PLEKHH1: variants seen among roughly 807,000 people sequenced by gnomAD.
The protein encoded by PLEKHH1 is pleckstrin homology, MyTH4 and FERM domain containing H1, also known as pleckstrin homology domain-containing family H member 1.
In PLEKHH1, 104 loss-of-function variants were observed where a neutral mutation model predicts 160.0. That is an observed-to-expected ratio of 0.65 (90% CI 0.55 to 0.76). The LOEUF (loss-of-function observed/expected upper bound fraction) is 0.76. PLEKHH1 is among the 30% of genes least tolerant of loss of function. The pLI, the probability that PLEKHH1 is intolerant of heterozygous loss-of-function variation, is 0.00. For missense variants in PLEKHH1, 1,427 were observed against 1,724.1 expected, an observed-to-expected ratio of 0.83 and a Z score of 3.05; for synonymous variants, 619 against 678.4, an observed-to-expected ratio of 0.91 and a Z score of 1.36.
rs912639794 is a variant in PLEKHH1, at chr14:67,569,084, G to A, written c.1264-54G>A. ...GCTTTTTCCTGCACATGCCTGGAGG[G>A]GGTGGGATGGGCATCATGCCGGGCC... On this transcript the variant is annotated intron_variant, in intron 7 of 28. Transcript: ENST00000329153. 1.7e-5 allele frequency: 20 copies of A among 1,209,470 alleles called. No homozygotes were observed. In the African/African-American group the frequency reaches 2.8e-4, roughly 17 times the overall value. The allele number at this position is 1,209,470 out of a possible 1,614,324, so 74.9% of individuals were successfully genotyped here. A position where few individuals can be genotyped will look rare whatever the true frequency, so the allele number is the denominator to read the frequency against.
rs1450448627 is a variant in PLEKHH1, at chr14:67,574,450, CAG to C, written c.2088+48_2088+49del. ...GCAGGAACATGTGCCTCCTGCGAATCAGGGGAGCCAGGATTGGGGTGCCGAGG... is the reference window on the plus strand; with the variant it reads ...GCAGGAACATGTGCCTCCTGCGAATCGGGAGCCAGGATTGGGGTGCCGAGG... On this transcript the variant is annotated intron_variant, in intron 14 of 28. Coordinates refer to ENST00000329153, the MANE Select transcript of PLEKHH1 (RefSeq NM_020715.3). The surrounding 1 kb of genome is among the most constrained non-coding windows in gnomAD (Gnocchi z 4.2). 2.6e-5 allele frequency: 36 copies of C among 1,402,084 alleles called. No individual in the cohort carries two copies. Among genetic ancestry groups the C allele is most frequent in the Non-Finnish European group, 3.4e-5 (36 of 1,063,618 alleles). 86.9% of individuals were successfully genotyped at this position (1,402,084 alleles called of 1,614,324 possible). A position where few individuals can be genotyped will look rare whatever the true frequency, so the allele number is the denominator to read the frequency against.
chr14:67,575,245 G>T, intron 14 of PLEKHH1, 147 bp from the exon 15 acceptor site: 1 of 582,838 alleles, frequency 1.7e-6, no homozygotes, highest in Non-Finnish European at 3.1e-6. Context: ...ACTGTGAAAG[G>T]GGTGGTTCCA....
At chr14:67,566,910 C>T (rs1467573211) in intron 7 of PLEKHH1, among the ~76,000 whole-genome samples, 1 of 152,060 alleles carries the variant, frequency 6.6e-6, no homozygotes, top group Non-Finnish European at 1.5e-5. Context: ...TCCCCAGGAA[C>T]CTCAGCTGAA....
chr14:67,559,505 G>T, intron 4 of PLEKHH1, 103 bp from the exon 5 acceptor site: 1 of 725,036 alleles, frequency 1.4e-6, no homozygotes, highest in East Asian at 2.7e-5. Context: ...GCTTTGCGAG[G>T]TCAGTGGCAC....
rs1375847218 is a variant in PLEKHH1 at position 67,584,063 on chromosome 14, G to A, written c.3638G>A (p.Arg1213His). ...GGATGCTCCCCTCCTGAGTGCATCCGCATCTACCTGACCGTGGCCAGGAAA... is the reference window on the plus strand; with the variant it reads ...GGATGCTCCCCTCCTGAGTGCATCCACATCTACCTGACCGTGGCCAGGAAA... ...LQGCSPPECI[R>H]IYLTVARKWP... The change falls in exon 26 of 29, where the codon CGC becomes CAC. Residue 1213 changes from arginine to histidine, a missense_variant. Physicochemically the swap from Arg to His is conservative, Grantham distance 29 (BLOSUM62 0). Coordinates refer to ENST00000329153, the MANE Select transcript of PLEKHH1 (RefSeq NM_020715.3). 10 of 1,613,780 alleles carry A rather than the reference G, an allele frequency of 6.2e-6. No individual in the cohort carries two copies. The highest frequency in any genetic ancestry group is 3.3e-5 in the South Asian group (3 of 91,088).
rs759102935 is a variant in PLEKHH1, at chr14:67,562,681, T to C, written c.1050T>C (p.Thr350=). ...GHFGRVVNIE[T]EAFSALHPSG... ...TTGGCCGTGTGGTGAACATTGAGACTGAGGCCTTCTCAGCCCTCCACCCCT... is the reference window on the plus strand; with the variant it reads ...TTGGCCGTGTGGTGAACATTGAGACCGAGGCCTTCTCAGCCCTCCACCCCT... Residue 350 remains threonine, a synonymous_variant, in exon 7 of 29, where the codon ACT becomes ACC. Transcript: ENST00000329153. The C allele has an allele frequency of 1.9e-6, 3 of 1,612,342 alleles. No homozygotes were observed. The highest frequency in any genetic ancestry group is 2.7e-5 in the African/African-American group (2 of 74,900).
chr14:67,556,718 T>C (rs1040610879), intron 3 of PLEKHH1, among the ~76,000 whole-genome samples: 5 of 152,206 alleles, frequency 3.3e-5, no homozygotes, highest in African/African-American at 7.2e-5. Context: ...CAAGATCTTA[T>C]CTGTTTTAAA....
intron 2 of PLEKHH1, among the ~76,000 whole-genome samples, chr14:67,542,288 C>T (rs1273349124): frequency 6.6e-6 from 1 of 152,220 alleles, no homozygotes; most frequent in Non-Finnish European, 1.5e-5. Context: ...CTATTATTCC[C>T]TTAACGTTTC....
Position 67,578,753 on chromosome 14 carries a change from C to A in PLEKHH1, c.2849+122C>A. The A allele has an allele frequency of 1.4e-6, 1 of 710,848 alleles. No individual in the cohort carries two copies. The highest frequency in any genetic ancestry group is 2.5e-6 in the Non-Finnish European group (1 of 395,178). 44.0% of individuals were successfully genotyped at this position (710,848 alleles called of 1,614,324 possible). ...CTGTCCTCTGAAACCGCTCAGTGGT[C>A]GTGGAGACTTCACCCATTGCCGTGT... On this transcript the variant is annotated intron_variant, in intron 20 of 28. Transcript: ENST00000329153. This position sits in a 1 kb window ranked among gnomAD's most constrained non-coding sequence, Gnocchi z 5.0.
chr14:67,577,918 A>C, intron 18 of PLEKHH1, 105 bp from the exon 19 acceptor site: 1 of 995,676 alleles, frequency 1.0e-6, no homozygotes, highest in East Asian at 2.4e-5. Flanking sequence ...AAGGGCTGTC[A>C]GTAAACTCTA....
chr14:67,573,438 C>A lies in PLEKHH1; in HGVS notation c.1839+52C>A. 1 of 1,105,068 alleles carries A rather than the reference C, an allele frequency of 9.0e-7. No individual in the cohort carries two copies. The highest frequency in any genetic ancestry group is 1.3e-5 in the South Asian group (1 of 79,484). 68.5% of individuals were successfully genotyped at this position (1,105,068 alleles called of 1,614,324 possible). ...AGTCAAAAGGTCTCCACATCACACC[C>A]TGGACTATGTCAGATGGGACGGAGG... On this transcript the variant is annotated intron_variant, in intron 12 of 28. Transcript: ENST00000329153. This position sits in a 1 kb window ranked among gnomAD's most constrained non-coding sequence, Gnocchi z 4.8.
chr14:67,587,148 A>C lies in PLEKHH1; in HGVS notation c.4008A>C (p.Pro1336=). The part of the protein sequence containing the change: ...CTTTVNPPTN[P]PGACQLWELD... ...CAACTGTGAACCCCCCCACCAACCC[A>C]CCCGGAGCCTGCCAGCTGTGGGAAC... The change falls in exon 29 of 29, where the codon CCA becomes CCC. Residue 1336 remains proline, a synonymous_variant. Coordinates refer to ENST00000329153, the MANE Select transcript of PLEKHH1 (RefSeq NM_020715.3). The C allele has an allele frequency of 6.2e-7, 1 of 1,613,380 alleles. No homozygotes were observed. Among genetic ancestry groups the C allele is most frequent in the Non-Finnish European group, 8.5e-7 (1 of 1,179,752 alleles).
chr14:67,559,767 C>G, intron 5 of PLEKHH1, 76 bp downstream of exon 5: 1 of 943,854 alleles, frequency 1.1e-6, no homozygotes, highest in Non-Finnish European at 1.7e-6. Flanking sequence ...TTTCCTGCCC[C>G]CTACTGTCTA....
chr14:67,587,378 G>C lies in PLEKHH1; in HGVS notation c.*143G>C. On this transcript the variant is annotated 3_prime_UTR_variant, in exon 29 of 29. Coordinates refer to ENST00000329153, the MANE Select transcript of PLEKHH1 (RefSeq NM_020715.3). ...AAATGTGTATTTTAGTCTCTGTGAA[G>C]CCTTTACTCTCTAGGTGCCTTATAA... The C allele has an allele frequency of 1.1e-6, 1 of 929,668 alleles. No individual in the cohort carries two copies. The highest frequency in any genetic ancestry group is 1.7e-6 in the Non-Finnish European group (1 of 584,080). The allele number at this position is 929,668 out of a possible 1,614,324, so 57.6% of individuals were successfully genotyped here. A position where few individuals can be genotyped will look rare whatever the true frequency, so the allele number is the denominator to read the frequency against.
At position 67,535,427 on chromosome 14, in the gene PLEKHH1, C is replaced by CTGGA. The variant is rs1287183186; in HGVS notation, c.-35+2030_-35+2033dup. 4.1e-5 allele frequency among the ~76,000 whole-genome samples: 5 copies of CTGGA among 120,544 alleles called. No individual in the cohort carries two copies. In the East Asian group the frequency reaches 1.1e-3, roughly 28 times the overall value. 79.1% of individuals were successfully genotyped at this position (120,544 alleles called of 152,430 possible). ...CCAGAGTCTCGCTCTGTTGCCCAGG[C>CTGGA]TGGAGTGCAGTGGTGCAATCTCAGC... On this transcript the variant is annotated intron_variant, in intron 1 of 28. Transcript: ENST00000329153.
chr14:67,548,812 C>T (rs1286488255), intron 2 of PLEKHH1, among the ~76,000 whole-genome samples: 1 of 152,222 alleles, frequency 6.6e-6, no homozygotes, highest in Non-Finnish European at 1.5e-5. Context: ...TGTGTACTTT[C>T]GCTCTGTCAC....
At chr14:67,564,692 CTTT>C (rs761508671) in intron 7 of PLEKHH1, among the ~76,000 whole-genome samples, 1 of 136,748 alleles carries the variant, frequency 7.3e-6, no homozygotes. Context: ...TTTTCTTTTC[CTTT>C]TTTTTTTTTG....
chr14:67,573,648 G>A lies in PLEKHH1; in HGVS notation c.1840-153G>A, dbSNP rs1294860134. Among the ~76,000 whole-genome samples, 1 of 152,212 alleles carries A rather than the reference G, an allele frequency of 6.6e-6. No individual in the cohort carries two copies. The highest frequency in any genetic ancestry group is 1.9e-4 in the East Asian group (1 of 5,198). On this transcript the variant is annotated intron_variant, in intron 12 of 28. Coordinates refer to ENST00000329153, the MANE Select transcript of PLEKHH1 (RefSeq NM_020715.3). This position sits in a 1 kb window ranked among gnomAD's most constrained non-coding sequence, Gnocchi z 4.8. The stretch of plus-strand genomic sequence containing the variant: ...TTAAGGTTCCATTTAGCTATAACCA[G>A]AATCTAGAATAAGTCACCCATCATA...
chr14:67,551,383 C>T (rs2034383571), intron 2 of PLEKHH1, among the ~76,000 whole-genome samples: 1 of 152,130 alleles, frequency 6.6e-6, no homozygotes, highest in Admixed American at 6.5e-5. Flanking sequence ...TTTCTGAATG[C>T]CAAGCCATGC....
Sources: allele counts gnomAD v4.1 joint callset (sites outside exome capture counted in the v4.1 genomes callset), GRCh38; gene constraint gnomAD v4.1.1; non-coding constraint Gnocchi (gnomAD v3.1); transcripts MANE v1.5; gene names NCBI Gene and HGNC (gene_info 2026-07-23, HGNC 2026-07-21).